Variants in MDFIC2 observed in about 807,000 individuals in gnomAD.
The protein encoded by MDFIC2 is MyoD family inhibitor domain containing 2, also known as myoD family inhibitor domain-containing protein 2.
At chr3:70,253,295 T>C (rs1701786317) in intron 2 of MDFIC2, among the ~76,000 whole-genome samples, 1 of 151,986 alleles carries the variant, frequency 6.6e-6, no homozygotes, top group Non-Finnish European at 1.5e-5. Flanking sequence ...ATTTTATTTA[T>C]GGGGAATGGG....
At chr3:70,219,189 C>G (rs2106735438) in intron 2 of MDFIC2, among the ~76,000 whole-genome samples, 1 of 152,230 alleles carries the variant, frequency 6.6e-6, no homozygotes, top group Non-Finnish European at 1.5e-5. Context: ...TATGGAAAAA[C>G]AAGAATGCTC....
chr3:70,286,700 G>A (rs1702167933), intron 2 of MDFIC2, among the ~76,000 whole-genome samples: 1 of 152,092 alleles, frequency 6.6e-6, no homozygotes, highest in African/African-American at 2.4e-5. Flanking sequence ...AGCATGGAAT[G>A]TTCTTCCATT....
chr3:70,197,743 G>A (rs1207252880), intron 3 of MDFIC2, among the ~76,000 whole-genome samples: 1 of 152,140 alleles, frequency 6.6e-6, no homozygotes, highest in Admixed American at 6.5e-5. Flanking sequence ...ACAGCTTTTG[G>A]GTTGTGTTTT....
intron 3 of MDFIC2, among the ~76,000 whole-genome samples, chr3:70,202,916 C>A (rs1417944194): frequency 6.6e-6 from 1 of 152,070 alleles, no homozygotes; most frequent in Non-Finnish European, 1.5e-5. Flanking sequence ...GGAGGTTCCA[C>A]AAGTGTGTTT....
intron 3 of MDFIC2, 62 bp downstream of exon 3, chr3:70,206,507 T>C: frequency 2.5e-6 from 1 of 396,708 alleles, no homozygotes; most frequent in Non-Finnish European, 4.4e-6. Flanking sequence ...TATGTGATGA[T>C]TTTACAGGGG....
At chr3:70,301,453 A>G (rs1007001398) in intron 2 of MDFIC2, among the ~76,000 whole-genome samples, 2 of 152,038 alleles carry the variant, frequency 1.3e-5, no homozygotes, top group Non-Finnish European at 2.9e-5. Flanking sequence ...CTGATATTTT[A>G]TTTTCCCAAC....
intron 2 of MDFIC2, among the ~76,000 whole-genome samples, chr3:70,266,820 A>G (rs1447903965): frequency 6.6e-6 from 1 of 152,234 alleles, no homozygotes; most frequent in East Asian, 1.9e-4. Context: ...AGTAGATATC[A>G]GTCCAGAAGG....
chr3:70,284,945 T>C (rs1352301128), intron 2 of MDFIC2, among the ~76,000 whole-genome samples: 5 of 152,180 alleles, frequency 3.3e-5, no homozygotes, highest in Non-Finnish European at 5.9e-5. Context: ...AACTGATTCA[T>C]GTGCTTTTGA....
chr3:70,224,734 T>C (rs1183988322), intron 2 of MDFIC2, among the ~76,000 whole-genome samples: 1 of 152,084 alleles, frequency 6.6e-6, no homozygotes, highest in Non-Finnish European at 1.5e-5. Flanking sequence ...TTTTAATTCA[T>C]TTAACCATTG....
chr3:70,303,136 A>C (rs1702366300), intron 2 of MDFIC2, among the ~76,000 whole-genome samples: 1 of 152,186 alleles, frequency 6.6e-6, no homozygotes, highest in Admixed American at 6.5e-5. Flanking sequence ...TCACGTAAGA[A>C]AATATTATTC....
intron 2 of MDFIC2, among the ~76,000 whole-genome samples, chr3:70,228,885 G>A (rs980521811): frequency 1.3e-5 from 2 of 152,038 alleles, no homozygotes; most frequent in Admixed American, 1.3e-4. Context: ...GGCAGACTAT[G>A]TAGTACGTGA....
chr3:70,300,962 C>T (rs1702342981), intron 2 of MDFIC2, among the ~76,000 whole-genome samples: 2 of 151,864 alleles, frequency 1.3e-5, no homozygotes, highest in African/African-American at 2.4e-5. Flanking sequence ...TTCTTTTGTT[C>T]CTAAATAAAT....
At chr3:70,223,982 A>T (rs1047816791) in intron 2 of MDFIC2, among the ~76,000 whole-genome samples, 16 of 151,854 alleles carry the variant, frequency 1.1e-4, no homozygotes, top group Admixed American at 2.0e-4. Context: ...TGCTATCTCT[A>T]TTGGAAATAT....
intron 2 of MDFIC2, among the ~76,000 whole-genome samples, chr3:70,218,993 GAAA>G: frequency 6.6e-6 from 1 of 150,796 alleles, no homozygotes; most frequent in East Asian, 2.0e-4. Context: ...GCCATTTCAA[GAAA>G]AAAAAAGTCC....
At chr3:70,246,836 T>C (rs58548222) in intron 2 of MDFIC2, among the ~76,000 whole-genome samples, 22,968 of 152,044 alleles carry the variant, frequency 0.15, 2,480 homozygotes, top group East Asian at 0.55. Context: ...TTGTCACCCT[T>C]AAAACAACCC....
intron 2 of MDFIC2, among the ~76,000 whole-genome samples, chr3:70,268,573 A>G (rs945347963): frequency 1.3e-5 from 2 of 152,130 alleles, no homozygotes; most frequent in Admixed American, 1.3e-4. Context: ...CATAGTTCAC[A>G]TTCGGGTTCA....
At chr3:70,221,041 T>C (rs899612042) in intron 2 of MDFIC2, among the ~76,000 whole-genome samples, 2 of 152,164 alleles carry the variant, frequency 1.3e-5, no homozygotes, top group African/African-American at 4.8e-5. Flanking sequence ...CCATATTATA[T>C]TGCATCTAAA....
rs149880226 is a variant in MDFIC2, at chr3:70,299,803, C to T, written c.88+12083G>A. 4.5e-3 allele frequency among the ~76,000 whole-genome samples: 690 copies of T among 152,202 alleles called. 4 individuals carry two copies. Among genetic ancestry groups the T allele is most frequent in the African/African-American group, 0.016 (645 of 41,538 alleles). On this transcript the variant is annotated intron_variant, in intron 2 of 3. Transcript: ENST00000567252. ...GTTATCTTTAGGTCCTCTCTACCTT[C>T]CTGAAGCCAACCTCACATATATTTT...
chr3:70,268,399 C>T (rs1575611031), intron 2 of MDFIC2, among the ~76,000 whole-genome samples: 1 of 144,358 alleles, frequency 6.9e-6, no homozygotes, highest in African/African-American at 2.6e-5. Flanking sequence ...CACTTGAACC[C>T]GGGAGGCGGA....
Sources: gnomAD v4.1 joint callset for allele counts (sites outside exome capture counted in the v4.1 genomes callset) on GRCh38, gnomAD v4.1.1 for gene constraint, MANE v1.5 for transcripts, NCBI Gene and HGNC (gene_info 2026-07-23, HGNC 2026-07-21) for gene names.